Variants in IQGAP3 observed in about 807,000 individuals in gnomAD.
The protein encoded by IQGAP3 is ras GTPase-activating-like protein IQGAP3.
A neutral mutation model predicts 208.2 loss-of-function variants in IQGAP3; 165 were observed. The observed-to-expected ratio is 0.79, with a 90% confidence interval of 0.70 to 0.90. The LOEUF (loss-of-function observed/expected upper bound fraction) is 0.90, where lower values mean the gene tolerates loss of function less well. Among genes scored for constraint, IQGAP3 ranks in the 40% least tolerant of loss-of-function variants. IQGAP3 has a pLI of 0.00. For missense variants in IQGAP3, 1,811 were observed against 2,043.1 expected (o/e 0.89, Z 2.19); for synonymous variants, 703 against 803.6 (o/e 0.87, Z 2.12).
intron 26 of IQGAP3, 142 bp from the exon 27 acceptor site, chr1:156,537,463 G>C (rs1365166924): frequency 4.0e-6 from 3 of 758,172 alleles, no homozygotes; most frequent in Non-Finnish European, 6.0e-6. Context: ...AAAGGAGAAA[G>C]GGCCAGAATG....
intron 15 of IQGAP3, 146 bp downstream of exon 15, chr1:156,551,559 T>C (rs1234254491): frequency 1.5e-5 from 12 of 825,302 alleles, no homozygotes; most frequent in Non-Finnish European, 2.2e-5. Flanking sequence ...GGGCCATCCT[T>C]CTTTACCAGA....
Position 156,540,882 on chromosome 1 carries a change from G to A in IQGAP3, c.2565C>T (p.Arg855=), listed in dbSNP as rs746445394. 7 of 1,614,058 alleles carry A rather than the reference G, an allele frequency of 4.3e-6. No individual in the cohort carries two copies. The highest frequency in any genetic ancestry group is 5.9e-6 in the Non-Finnish European group (7 of 1,180,008). The change falls in exon 23 of 38, where the codon CGC becomes CGT. Residue 855 remains arginine, a synonymous_variant. Transcript: ENST00000361170. Reference sequence around the variant, plus strand: ...TTTGATTCAAGAGATGGGCAAATCTGCGTACCACACTGAGAGGAGGGTGGG... The same window carrying A: ...TTTGATTCAAGAGATGGGCAAATCTACGTACCACACTGAGAGGAGGGTGGG... The part of the protein sequence containing the change: ...HAPHPPLSVV[R]RFAHLLNQSQ...
chr1:156,541,315 G>C (rs943238093), intron 22 of IQGAP3, among the ~76,000 whole-genome samples: 2 of 151,394 alleles, frequency 1.3e-5, no homozygotes, highest in African/African-American at 4.9e-5. Flanking sequence ...CCTCCTACCT[G>C]CCAGCCACCA....
chr1:156,530,508 G>A (rs1571309636), intron 33 of IQGAP3, among the ~76,000 whole-genome samples, 191 bp from the exon 34 acceptor site: 1 of 152,098 alleles, frequency 6.6e-6, no homozygotes, highest in Admixed American at 6.6e-5. Flanking sequence ...AGAATATCAA[G>A]GTATAACACC....
intron 37 of IQGAP3, among the ~76,000 whole-genome samples, chr1:156,526,993 A>C (rs978950478): frequency 6.6e-6 from 1 of 151,334 alleles, no homozygotes; most frequent in Non-Finnish European, 1.5e-5. Flanking sequence ...CCACCACGCC[A>C]GGCTAATTTT....
intron 33 of IQGAP3, 96 bp from the exon 34 acceptor site, chr1:156,530,413 C>G: frequency 9.4e-7 from 1 of 1,066,916 alleles, no homozygotes; most frequent in East Asian, 2.5e-5. Context: ...AAAGGGAGGC[C>G]TGAGCATTTT....
At chr1:156,539,747 G>C in intron 24 of IQGAP3, 91 bp downstream of exon 24, 2 of 1,445,742 alleles carry the variant, frequency 1.4e-6, no homozygotes, top group Non-Finnish European at 1.9e-6. Flanking sequence ...AGGACACCTT[G>C]CATGGTGCCA....
chr1:156,526,494 G>A lies in IQGAP3; in HGVS notation c.4888C>T (p.Arg1630Trp), dbSNP rs758791623. Residue 1630 changes from arginine to tryptophan, a missense_variant, in exon 38 of 38, where the codon CGG (arginine) becomes TGG (tryptophan). Arg to Trp is a moderately radical substitution (Grantham distance 101). Coordinates refer to ENST00000361170, the MANE Select transcript of IQGAP3 (RefSeq NM_178229.5). The part of the protein sequence containing the change: ...LIFLLNKKFL[R>W]K ...AGCACCCTTTGCCTCTGTCACTTCC[G>A]CAAAAACTTCTTGTTGAGGAGGAAG... 23 of 1,611,668 alleles carry A rather than the reference G, an allele frequency of 1.4e-5. No individual in the cohort carries two copies. Among genetic ancestry groups the A allele is most frequent in the Middle Eastern group, 1.6e-4 (1 of 6,082 alleles).
intron 19 of IQGAP3, 117 bp from the exon 20 acceptor site, chr1:156,544,589 G>C (rs1231288270): frequency 3.7e-6 from 3 of 812,256 alleles, no homozygotes; most frequent in African/African-American, 1.7e-5. Context: ...GTTAAATAGA[G>C]GGGGAAGGGG....
intron 10 of IQGAP3, 30 bp downstream of exon 10, chr1:156,561,807 AG>A (rs1197147925): frequency 3.1e-6 from 5 of 1,609,170 alleles, no homozygotes; most frequent in Non-Finnish European, 3.4e-6. Flanking sequence ...AGTCACATAC[AG>A]GGGGTGGCAG....
chr1:156,568,772 A>G (rs574646442), intron 2 of IQGAP3, among the ~76,000 whole-genome samples: 1 of 152,328 alleles, frequency 6.6e-6, no homozygotes, highest in South Asian at 2.1e-4. Flanking sequence ...GCCAACATTC[A>G]TTTATAGGAA....
intron 12 of IQGAP3, among the ~76,000 whole-genome samples, chr1:156,556,220 C>T (rs1171318499): frequency 6.6e-6 from 1 of 152,228 alleles, no homozygotes; most frequent in Non-Finnish European, 1.5e-5. Flanking sequence ...CTTCTGCATC[C>T]ACTCCCAGCA....
intron 26 of IQGAP3, among the ~76,000 whole-genome samples, chr1:156,538,315 C>G (rs1674806997): frequency 6.6e-6 from 1 of 152,246 alleles, no homozygotes; most frequent in Admixed American, 6.5e-5. Context: ...CTGCCTCGGT[C>G]TCCCAAAGTG....
At chr1:156,560,260 C>T (rs991815130) in intron 11 of IQGAP3, among the ~76,000 whole-genome samples, 1 of 145,430 alleles carries the variant, frequency 6.9e-6, no homozygotes, top group African/African-American at 2.8e-5. Flanking sequence ...CCTGTAATCC[C>T]CAGCACTTTG....
chr1:156,534,168 A>G, intron 29 of IQGAP3, 27 bp from the exon 30 acceptor site: 3 of 1,611,214 alleles, frequency 1.9e-6, no homozygotes, highest in Non-Finnish European at 2.5e-6. Flanking sequence ...CATGTGAGAG[A>G]GCGGGGAGGG....
intron 36 of IQGAP3, 55 bp downstream of exon 36, chr1:156,528,454 C>A: frequency 7.5e-7 from 1 of 1,334,598 alleles, no homozygotes; most frequent in Non-Finnish European, 1.1e-6. Context: ...CAGAGCTCCA[C>A]CCCCAGGTTA....
At chr1:156,569,216 G>C (rs1222244699) in intron 2 of IQGAP3, among the ~76,000 whole-genome samples, 160 bp downstream of exon 2, 1 of 71,670 alleles carries the variant, frequency 1.4e-5, no homozygotes. Flanking sequence ...GGATGTGACT[G>C]GGATTTGCTT....
chr1:156,535,477 C>G (rs1456613750), intron 27 of IQGAP3, among the ~76,000 whole-genome samples: 1 of 152,150 alleles, frequency 6.6e-6, no homozygotes, highest in African/African-American at 2.4e-5. Context: ...GGACCAGGGC[C>G]CTATCATCTA....
intron 2 of IQGAP3, among the ~76,000 whole-genome samples, chr1:156,566,750 C>G (rs1676415780): frequency 6.6e-6 from 1 of 152,162 alleles, no homozygotes; most frequent in African/African-American, 2.4e-5. Flanking sequence ...TCTGGACTGG[C>G]CAACCCTCAG....
Sources: allele counts gnomAD v4.1 joint callset (sites outside exome capture counted in the v4.1 genomes callset), GRCh38; gene constraint gnomAD v4.1.1; transcripts MANE v1.5; gene names NCBI Gene and HGNC (gene_info 2026-07-23, HGNC 2026-07-21).